The following GPAM variants were observed in gnomAD, a reference collection of about 807,000 sequenced individuals.
GPAM encodes glycerol-3-phosphate acyltransferase, mitochondrial, also known as glycerol-3-phosphate acyltransferase 1, mitochondrial.
GPAM carries 56 observed loss-of-function variants against 105.0 expected under a neutral mutation model. The observed-to-expected ratio is 0.53, with a 90% CI of 0.43 to 0.67. GPAM has a LOEUF of 0.67. Ranked by LOEUF, GPAM falls within the 30% of genes least tolerant of loss-of-function variation. The probability of loss-of-function intolerance (pLI) is 0.00; values close to 1 mark genes in which losing one functional copy is unlikely to be tolerated. For missense variants in GPAM, 855 were observed against 989.8 expected (o/e 0.86, Z 1.83); for synonymous variants, 368 against 354.4 (o/e 1.04, Z -0.43).
At position 112,164,404 on chromosome 10, in the gene GPAM, A is replaced by C. The variant is rs1277590446; in HGVS notation, c.1307+121T>G. The C allele has an allele frequency of 4.3e-6, 3 of 693,728 alleles. No individual in the cohort carries two copies. The Admixed American group carries it at 6.3e-5, about 15-fold the overall frequency. 43.0% of individuals were successfully genotyped at this position (693,728 alleles called of 1,614,324 possible). A position where few individuals can be genotyped will look rare whatever the true frequency, so the allele number is the denominator to read the frequency against. On this transcript the variant is annotated intron_variant, in intron 13 of 21. Transcript: ENST00000348367. The stretch of plus-strand genomic sequence containing the variant: ...CAATATCCCTTATTGGACTAAGAGA[A>C]AAGTTACTTAAGAAGTGAAAATAAG...
At chr10:112,218,383 G>T (rs192440639), upstream of GPAM, among the ~76,000 whole-genome samples, 1 of 152,148 alleles carries the variant, frequency 6.6e-6, no homozygotes, top group African/African-American at 2.4e-5. Context: ...CTGAAGGCTC[G>T]CCAAGTTCTC....
chr10:112,160,764 T>C lies in GPAM; in HGVS notation c.1599A>G (p.Val533=), dbSNP rs1259177757. 3 of 1,613,980 alleles carry C rather than the reference T, an allele frequency of 1.9e-6. No individual in the cohort carries two copies. The highest frequency in any genetic ancestry group is 2.7e-5 in the African/African-American group (2 of 74,918). The change falls in exon 16 of 22, where the codon GTA becomes GTG. Residue 533 remains valine (V), a synonymous_variant. Coordinates refer to ENST00000348367, the MANE Select transcript of GPAM (RefSeq NM_001244949.2). The part of the protein sequence containing the change: ...LGFSGNSEDV[V]MHAIQLLGNC... ...TTCCCAGCAGCTGTATGGCATGCAT[T>C]ACTACATCTTCTGAATTTCCTGAGA... is the stretch of plus-strand genomic sequence containing the variant.
Position 112,153,390 on chromosome 10 carries a change from C to CA in GPAM, c.*159dup. 3 of 1,571,642 alleles carry CA rather than the reference C, an allele frequency of 1.9e-6. No homozygotes were observed. Among genetic ancestry groups the CA allele is most frequent in the Non-Finnish European group, 2.6e-6 (3 of 1,164,824 alleles). ...TGTGTTGATGCAGAGCTGGGAAGAT[C>CA]ACAGATCCATGGAGGGAGAAGGCAC... On this transcript the variant is annotated 3_prime_UTR_variant, in exon 22 of 22. Transcript: ENST00000348367.
At chr10:112,197,341 GTTAGTAAA>G (rs1429785607) in intron 1 of GPAM, among the ~76,000 whole-genome samples, 2 of 151,320 alleles carry the variant, frequency 1.3e-5, no homozygotes, top group African/African-American at 4.9e-5. Flanking sequence ...TGCTTACTTG[GTTAGTAAA>G]CTTATTTTAT....
chr10:112,178,508 C>G (rs1847447510), intron 4 of GPAM, among the ~76,000 whole-genome samples: 1 of 152,008 alleles, frequency 6.6e-6, no homozygotes, highest in Non-Finnish European at 1.5e-5. Context: ...CAACACGATG[C>G]CATTGTACTC....
upstream of GPAM, among the ~76,000 whole-genome samples, chr10:112,187,741 A>G (rs1847612213): frequency 6.6e-6 from 1 of 152,216 alleles, no homozygotes; most frequent in Admixed American, 6.5e-5. Context: ...ATGCCACCCA[A>G]TAACAGGAAA....
chr10:112,176,095 G>T (rs933884169), intron 5 of GPAM, among the ~76,000 whole-genome samples: 1 of 152,150 alleles, frequency 6.6e-6, no homozygotes, highest in Non-Finnish European at 1.5e-5. Flanking sequence ...ATAGCTATGG[G>T]CTATAAAAAG....
rs373743941 is a variant in GPAM at position 112,159,159 on chromosome 10, A to G, written c.1902+752T>C. ...GTATATAATATAAATGCTCATTAGTACTGCTGGGCTTGGTTTTCCTCATTT... is the reference window on the plus strand; with the variant it reads ...GTATATAATATAAATGCTCATTAGTGCTGCTGGGCTTGGTTTTCCTCATTT... On this transcript the variant is annotated intron_variant, in intron 17 of 21. Coordinates refer to ENST00000348367, the MANE Select transcript of GPAM (RefSeq NM_001244949.2). 8.6e-5 allele frequency among the ~76,000 whole-genome samples: 13 copies of G among 151,328 alleles called. No individual in the cohort carries two copies. In the East Asian group the frequency reaches 1.9e-3, roughly 23 times the overall value.
At chr10:112,192,085 C>A (rs781545608) in intron 1 of GPAM, among the ~76,000 whole-genome samples, 9 of 152,190 alleles carry the variant, frequency 5.9e-5, no homozygotes, top group Admixed American at 1.3e-4. Context: ...CCGCACAACA[C>A]AAGCAACAGG....
intron 20 of GPAM, 23 bp downstream of exon 20, chr10:112,155,841 G>C: frequency 8.1e-7 from 1 of 1,237,656 alleles, no homozygotes; most frequent in South Asian, 1.3e-5. Context: ...GATTTTAAAA[G>C]AATAAATAGT....
intron 1 of GPAM, among the ~76,000 whole-genome samples, chr10:112,204,108 TCA>T (rs2133298479): frequency 6.6e-6 from 1 of 152,272 alleles, no homozygotes; most frequent in South Asian, 2.1e-4. Flanking sequence ...CCGTGCCTAA[TCA>T]GTGCCTCCAG....
At position 112,155,913 on chromosome 10, in the gene GPAM, C is replaced by T. The variant is rs1442845821; in HGVS notation, c.2262G>A (p.Lys754=). 1.2e-6 allele frequency: 2 copies of T among 1,612,020 alleles called. No individual in the cohort carries two copies. Among genetic ancestry groups the T allele is most frequent in the Non-Finnish European group, 1.7e-6 (2 of 1,178,286 alleles). ...TTCTGGTTATTAGGTATTTGTGCAACTTTTGCAGATACTCAGGTTCTGGAA... is the reference window on the plus strand; with the variant it reads ...TTCTGGTTATTAGGTATTTGTGCAATTTTTGCAGATACTCAGGTTCTGGAA... ...GPVPEPEYLQ[K]LHKYLITRTE... The change falls in exon 20 of 22, where the codon AAG becomes AAA. Residue 754 remains lysine (K), a synonymous_variant. Transcript: ENST00000348367.
chr10:112,154,206 A>C, intron 21 of GPAM: 1 of 212,800 alleles, frequency 4.7e-6, no homozygotes, highest in South Asian at 8.4e-5. Context: ...CTCAAAAGAC[A>C]TGCTCATCAG....
intron 1 of GPAM, among the ~76,000 whole-genome samples, chr10:112,194,261 A>G (rs1281902564): frequency 6.6e-6 from 1 of 152,190 alleles, no homozygotes; most frequent in East Asian, 1.9e-4. Context: ...ATAACTAAAC[A>G]TTTGTGAACA....
chr10:112,156,507 T>G, intron 19 of GPAM: 2 of 262,882 alleles, frequency 7.6e-6, no homozygotes, highest in South Asian at 4.5e-5. Context: ...TAAATGGCCT[T>G]TGCCCACAGT....
At chr10:112,177,503 T>A (rs1039421837) in intron 5 of GPAM, among the ~76,000 whole-genome samples, 8 of 152,198 alleles carry the variant, frequency 5.3e-5, no homozygotes, top group African/African-American at 1.9e-4. Flanking sequence ...CCTATCCCCA[T>A]ATGCCTAGAA....
At chr10:112,170,654 CGGTTCCT>C (rs1847297088) in intron 9 of GPAM, among the ~76,000 whole-genome samples, 1 of 149,134 alleles carries the variant, frequency 6.7e-6, no homozygotes, top group Admixed American at 6.8e-5. Flanking sequence ...TTCAGTTTCC[CGGTTCCT>C]TGTTCCTGGA....
At chr10:112,167,006 C>T (rs747039974) in intron 11 of GPAM, among the ~76,000 whole-genome samples, 1 of 152,082 alleles carries the variant, frequency 6.6e-6, no homozygotes, top group Non-Finnish European at 1.5e-5. Context: ...GTATCTATTA[C>T]ACATAAGGCA....
intron 5 of GPAM, 66 bp downstream of exon 5, chr10:112,177,918 T>C (rs1039438949): frequency 3.5e-5 from 29 of 838,728 alleles, no homozygotes; most frequent in Middle Eastern, 3.3e-4. Flanking sequence ...GCTTAAAGTG[T>C]GTTAACTGAT....
Sources: gnomAD v4.1 joint callset for allele counts (sites outside exome capture counted in the v4.1 genomes callset) on GRCh38, gnomAD v4.1.1 for gene constraint, MANE v1.5 for transcripts, NCBI Gene and HGNC (gene_info 2026-07-23, HGNC 2026-07-21) for gene names.